CFAP44: variants seen among roughly 807,000 people sequenced by gnomAD.
CFAP44 encodes the protein cilia- and flagella-associated protein 44.
A neutral mutation model predicts 216.2 loss-of-function variants in CFAP44; 134 were observed. The ratio of observed to expected loss-of-function variants is 0.62; its 90% CI spans 0.54 to 0.72. CFAP44 has a LOEUF of 0.72. Among genes scored for constraint, CFAP44 ranks in the 30% least tolerant of loss-of-function variants. The pLI, the probability that CFAP44 is intolerant of heterozygous loss-of-function variation, is 0.00. For synonymous variants in CFAP44, 700 were observed against 727.6 expected, an observed-to-expected ratio of 0.96 and a Z score of 0.61; for missense variants, 2,035 against 2,182.1, an observed-to-expected ratio of 0.93 and a Z score of 1.34.
intron 24 of CFAP44, among the ~76,000 whole-genome samples, chr3:113,334,962 G>A (rs976162686): frequency 6.6e-6 from 1 of 151,984 alleles, no homozygotes; most frequent in African/African-American, 2.4e-5. Flanking sequence ...ACCATCTATT[G>A]TATTAACTGA....
chr3:113,297,036 T>G, intron 32 of CFAP44, 151 bp from the exon 33 acceptor site: 1 of 929,740 alleles, frequency 1.1e-6, no homozygotes, highest in Non-Finnish European at 1.7e-6. Context: ...TTTTTTCTGC[T>G]GCTTTCCTCA....
intron 28 of CFAP44, among the ~76,000 whole-genome samples, chr3:113,311,765 T>A (rs1391019198): frequency 5.9e-5 from 9 of 152,160 alleles, no homozygotes. Context: ...AGTTTGGGAC[T>A]TCCTAAAGAT....
In CFAP44 at chr3:113,287,718, A is replaced by G. The variant is rs1040766523; in HGVS notation, c.*3839T>C. The G allele has an allele frequency of 1.2e-4, 18 of 152,242 alleles. 1 individual carries two copies. The highest frequency in any genetic ancestry group is 1.2e-3 in the Admixed American group (18 of 15,280). The allele number at this position is 152,242 out of a possible 1,614,324, so 9.4% of individuals were successfully genotyped here. A position where few individuals can be genotyped will look rare whatever the true frequency, so the allele number is the denominator to read the frequency against. On this transcript the variant is annotated 3_prime_UTR_variant, in exon 35 of 35. Coordinates refer to ENST00000393845, the MANE Select transcript of CFAP44 (RefSeq NM_001164496.2). ...AAACAGGTTCATAGTTCTCTTACCAACTGGACTTGAGATGAAGTTTAGGTC... is the reference window on the plus strand; with the variant it reads ...AAACAGGTTCATAGTTCTCTTACCAGCTGGACTTGAGATGAAGTTTAGGTC...
intron 28 of CFAP44, among the ~76,000 whole-genome samples, chr3:113,309,532 T>C (rs1950019125): frequency 6.6e-6 from 1 of 152,168 alleles, no homozygotes; most frequent in Admixed American, 6.5e-5. Flanking sequence ...ATATAATATC[T>C]TCAGAAATAT....
chr3:113,420,761 T>C (rs1934794200), intron 4 of CFAP44, among the ~76,000 whole-genome samples: 1 of 152,182 alleles, frequency 6.6e-6, no homozygotes, highest in African/African-American at 2.4e-5. Flanking sequence ...TAACACACCA[T>C]TTGATAACAT....
At chr3:113,435,582 G>A (rs73239126) in intron 1 of CFAP44, among the ~76,000 whole-genome samples, 26,129 of 151,520 alleles carry the variant, frequency 0.17, 2,949 homozygotes, top group East Asian at 0.42. Context: ...AATTTTAAAT[G>A]GCCAGGCATA....
chr3:113,350,140 C>T (rs544928818), intron 22 of CFAP44, among the ~76,000 whole-genome samples: 14 of 151,500 alleles, frequency 9.2e-5, no homozygotes, highest in South Asian at 2.1e-4. Flanking sequence ...GCAGCATAAG[C>T]GGCTGGCAGA....
rs573959030 is a variant in CFAP44, at chr3:113,342,832, A to T, written c.3263-914T>A. On this transcript the variant is annotated intron_variant, in intron 23 of 34. Coordinates refer to ENST00000393845, the MANE Select transcript of CFAP44 (RefSeq NM_001164496.2). ...GGTGAAACCCCCGTCTCTGCTAAAAATACATAAAAAAAAAAAAATTAGCCG... is the reference window on the plus strand; with the variant it reads ...GGTGAAACCCCCGTCTCTGCTAAAATTACATAAAAAAAAAAAAATTAGCCG... Among the ~76,000 whole-genome samples the T allele has an allele frequency of 4.0e-3, 594 of 148,658 alleles. 7 individuals carry two copies. Among genetic ancestry groups the T allele is most frequent in the African/African-American group, 0.015 (579 of 39,662 alleles).
chr3:113,327,297 C>G (rs1372430584), intron 27 of CFAP44, among the ~76,000 whole-genome samples: 2 of 152,092 alleles, frequency 1.3e-5, no homozygotes, highest in East Asian at 1.9e-4. Flanking sequence ...TCATAGCTTA[C>G]TTTTTTGTTT....
intron 15 of CFAP44, among the ~76,000 whole-genome samples, chr3:113,388,967 T>G (rs1005050153): frequency 2.1e-4 from 32 of 152,268 alleles, no homozygotes; most frequent in African/African-American, 7.5e-4. Flanking sequence ...GGACAGATCA[T>G]CCAGGCAGAA....
At chr3:113,298,925 T>G (rs1398782639) in intron 32 of CFAP44, among the ~76,000 whole-genome samples, 1 of 152,206 alleles carries the variant, frequency 6.6e-6, no homozygotes, top group African/African-American at 2.4e-5. Context: ...GGTTGCACAA[T>G]CATCTGAATG....
chr3:113,333,481 T>C lies in CFAP44; in HGVS notation c.3540A>G (p.Pro1180=). 1 of 1,537,172 alleles carries C rather than the reference T, an allele frequency of 6.5e-7. No homozygotes were observed. The highest frequency in any genetic ancestry group is 8.7e-7 in the Non-Finnish European group (1 of 1,146,868). The part of the protein sequence containing the change: ...YMGDFNLKTA[P]DYKIPEHMRI... The stretch of plus-strand genomic sequence containing the variant: ...TCATGTGCTCAGGTATCTTGTAGTC[T>C]GGGGCTGTCTTCAGATTGAAATCTC... The change falls in exon 25 of 35, where the codon CCA becomes CCG. Residue 1180 remains proline, a synonymous_variant. Transcript: ENST00000393845.
intron 24 of CFAP44, 68 bp from the exon 25 acceptor site, chr3:113,333,651 T>C: frequency 1.5e-6 from 2 of 1,362,034 alleles, no homozygotes; most frequent in Non-Finnish European, 1.9e-6. Context: ...TCTACTTTAA[T>C]ATAGGCATAT....
At chr3:113,389,535 T>C (rs1318999868) in intron 15 of CFAP44, among the ~76,000 whole-genome samples, 1 of 151,726 alleles carries the variant, frequency 6.6e-6, no homozygotes, top group African/African-American at 2.4e-5. Flanking sequence ...CAAAATTAAA[T>C]GAAATTGAAA....
At chr3:113,345,950 T>C (rs1950377446) in intron 22 of CFAP44, among the ~76,000 whole-genome samples, 1 of 152,232 alleles carries the variant, frequency 6.6e-6, no homozygotes, top group Non-Finnish European at 1.5e-5. Flanking sequence ...TCTTTAAGAC[T>C]TATTTCCTTT....
At chr3:113,396,775 A>G in intron 13 of CFAP44, 48 bp from the exon 14 acceptor site, 1 of 1,546,794 alleles carries the variant, frequency 6.5e-7, no homozygotes, top group Non-Finnish European at 8.9e-7. Flanking sequence ...TAAATTGAGA[A>G]AGTTGTACTA....
At chr3:113,395,913 T>C (rs1933978321) in intron 14 of CFAP44, 53 bp from the exon 15 acceptor site, 3 of 1,342,232 alleles carry the variant, frequency 2.2e-6, no homozygotes, top group South Asian at 2.5e-5. Flanking sequence ...AAATCTAGCC[T>C]ATAGATCACA....
intron 15 of CFAP44, among the ~76,000 whole-genome samples, chr3:113,394,850 A>G (rs989864577): frequency 1.3e-5 from 2 of 152,246 alleles, no homozygotes; most frequent in Non-Finnish European, 2.9e-5. Flanking sequence ...GGTCTACACC[A>G]TTGATATTTT....
In CFAP44 at chr3:113,306,305, C is replaced by T. The variant is rs79285167; in HGVS notation, c.4654G>A (p.Ala1552Thr). The T allele has an allele frequency of 2.6e-6, 4 of 1,535,862 alleles. No homozygotes were observed. Among genetic ancestry groups the T allele is most frequent in the Non-Finnish European group, 3.5e-6 (4 of 1,146,542 alleles). Residue 1552 changes from alanine (A) to threonine (T), a missense_variant, in exon 30 of 35, where the codon GCC becomes ACC. Transcript: ENST00000393845. ...AGCCTTTTCTCTCGAAGGTGAAGGG[C>T]CAGCTCAAAAAGAGCCACATCACAA... ...TNCDVALFEL[A>T]LHLREKRLDI...
Sources: allele counts gnomAD v4.1 joint callset (sites outside exome capture counted in the v4.1 genomes callset), GRCh38; gene constraint gnomAD v4.1.1; transcripts MANE v1.5; gene names NCBI Gene and HGNC (gene_info 2026-07-23, HGNC 2026-07-21).